RAP1GAP2: variants seen among roughly 807,000 people sequenced by gnomAD.
The protein encoded by RAP1GAP2 is rap1 GTPase-activating protein 2.
Under a neutral mutation model 95.0 loss-of-function variants are expected in RAP1GAP2, and 27 were observed. The observed-to-expected ratio is 0.28, with a 90% CI of 0.21 to 0.39. RAP1GAP2 has a LOEUF of 0.39. RAP1GAP2 is among the 10% of genes least tolerant of loss of function. RAP1GAP2 has a pLI of 1.00. For missense variants in RAP1GAP2, 771 were observed against 970.0 expected (o/e 0.79, Z 2.72); for synonymous variants, 373 against 380.9 (o/e 0.98, Z 0.24).
At chr17:2,945,775 CTT>C (rs57022816) in intron 3 of RAP1GAP2, among the ~76,000 whole-genome samples, 7 of 150,336 alleles carry the variant, frequency 4.7e-5, no homozygotes, top group Non-Finnish European at 1.0e-4. Context: ...CATTGATTTT[CTT>C]TTTTTTTCTT....
At position 2,926,549 on chromosome 17, in the gene RAP1GAP2, C is replaced by T. The variant is rs74686300; in HGVS notation, c.165+21181C>T. Among the ~76,000 whole-genome samples the T allele has an allele frequency of 6.5e-3, 996 of 152,264 alleles. 11 individuals are homozygous for T. The highest frequency in any genetic ancestry group is 0.023 in the African/African-American group (947 of 41,558). The stretch of plus-strand genomic sequence containing the variant: ...CAGAGTGTCACAGTTCCTCCCTCCC[C>T]CAAAGCCAGCTTGTACTTGAACCTG... On this transcript the variant is annotated intron_variant, in intron 3 of 24. Transcript: ENST00000254695.
chr17:3,027,131 T>C lies in RAP1GAP2; in HGVS notation c.2107+61T>C. On this transcript the variant is annotated intron_variant, in intron 22 of 24. Transcript: ENST00000254695. The surrounding 1 kb of genome is among the most constrained non-coding windows in gnomAD (Gnocchi z 5.2). ...GGAGGGCAGGCTGTGCCCTGTCCACTGTTAGCAGGGCCCCAGCCACGCTGA... is the reference window on the plus strand; with the variant it reads ...GGAGGGCAGGCTGTGCCCTGTCCACCGTTAGCAGGGCCCCAGCCACGCTGA... 1 of 1,503,502 alleles carries C rather than the reference T, an allele frequency of 6.7e-7. No homozygotes were observed. Among genetic ancestry groups the C allele is most frequent in the Admixed American group, 2.1e-5 (1 of 47,920 alleles). The allele number at this position is 1,503,502 out of a possible 1,614,324, so 93.1% of individuals were successfully genotyped here.
chr17:2,944,824 T>C (rs2043645736), intron 3 of RAP1GAP2, among the ~76,000 whole-genome samples: 1 of 152,220 alleles, frequency 6.6e-6, no homozygotes, highest in Non-Finnish European at 1.5e-5. Flanking sequence ...TTTGTAGTGC[T>C]TAGTGTGCCA....
At chr17:2,809,088 C>T (rs1192124221) in intron 2 of RAP1GAP2, among the ~76,000 whole-genome samples, 1 of 152,192 alleles carries the variant, frequency 6.6e-6, no homozygotes, top group Non-Finnish European at 1.5e-5. Flanking sequence ...GCAAGGTCTG[C>T]AGACTCCAAG....
intron 14 of RAP1GAP2, among the ~76,000 whole-genome samples, chr17:3,001,492 A>G (rs58957763): frequency 2.0e-4 from 15 of 76,576 alleles, no homozygotes; most frequent in African/African-American, 4.7e-4. Context: ...GGAGGTAACA[A>G]GATCAGCCTC....
At chr17:2,767,138 T>C (rs984959948) in intron 1 of RAP1GAP2, among the ~76,000 whole-genome samples, 4 of 150,960 alleles carry the variant, frequency 2.6e-5, no homozygotes, top group Non-Finnish European at 5.9e-5. Context: ...CCGAGGTGGG[T>C]GGATCACGAG....
At chr17:2,931,280 T>TTGTGTGTGTGTGTG (rs34690298) in intron 3 of RAP1GAP2, among the ~76,000 whole-genome samples, 277 of 146,748 alleles carry the variant, frequency 1.9e-3, no homozygotes, top group African/African-American at 6.0e-3. Context: ...TGAGTGTTTC[T>TTGTGTGTGTGTGTG]TGTGTGTGTG....
rs12936437 is a variant in RAP1GAP2 at position 3,036,488 on chromosome 17, T to C, written c.*3127T>C. 0.22 allele frequency: 33,143 copies of C among 152,254 alleles called. 3,755 individuals are homozygous for C. Among genetic ancestry groups the C allele is most frequent in the Middle Eastern group, 0.37 (108 of 294 alleles). The allele number at this position is 152,254 out of a possible 1,614,324, so 9.4% of individuals were successfully genotyped here. A position where few individuals can be genotyped will look rare whatever the true frequency, so the allele number is the denominator to read the frequency against. ...GAGCAGTCAAGGATGCTGGTGAGGC[T>C]GCAGTTTCTGCTCTTTTTCATCAGG... On this transcript the variant is annotated 3_prime_UTR_variant, in exon 25 of 25. Coordinates refer to ENST00000254695, the MANE Select transcript of RAP1GAP2 (RefSeq NM_015085.5).
chr17:2,980,433 G>T, intron 9 of RAP1GAP2, 68 bp downstream of exon 9: 1 of 1,494,232 alleles, frequency 6.7e-7, no homozygotes, highest in East Asian at 2.3e-5. Context: ...TGGAATGGGG[G>T]TGCAGGTATA....
In RAP1GAP2 at chr17:2,822,636, T is replaced by TTG. The variant is rs1555547752; in HGVS notation, c.80+22087_80+22088insGT. On this transcript the variant is annotated intron_variant, in intron 2 of 24. Coordinates refer to ENST00000254695, the MANE Select transcript of RAP1GAP2 (RefSeq NM_015085.5). The stretch of plus-strand genomic sequence containing the variant: ...AACCCTGTTTTTTTTTGTTTTTTTT[T>TTG]TTTTTTTTTTTTTTAAGAAAAGGTG... Among the ~76,000 whole-genome samples the TTG allele has an allele frequency of 8.3e-5, 10 of 120,628 alleles. No individual in the cohort carries two copies. The South Asian group carries it at 1.2e-3, about 15-fold the overall frequency. 79.1% of individuals were successfully genotyped at this position (120,628 alleles called of 152,430 possible).
In RAP1GAP2 at chr17:3,026,356, C is replaced by T; in HGVS notation, c.1872C>T (p.Phe624=). The change falls in exon 21 of 25, where the codon TTC becomes TTT. Residue 624 remains phenylalanine (F), a synonymous_variant. Coordinates refer to ENST00000254695, the MANE Select transcript of RAP1GAP2 (RefSeq NM_015085.5). ...PEICPNKEKP[F]MKLKENGRAI... is the part of the protein sequence containing the mutation. ...CACTTCCTATTCCCTGCAGGCCCTT[C>T]ATGAAGTTGAAGGAAAACGGCCGTG... is the stretch of plus-strand genomic sequence containing the variant. The T allele has an allele frequency of 6.4e-7, 1 of 1,550,806 alleles. No homozygotes were observed. Among genetic ancestry groups the T allele is most frequent in the South Asian group, 1.2e-5 (1 of 84,018 alleles).
At chr17:2,899,101 C>T (rs946311826) in intron 2 of RAP1GAP2, among the ~76,000 whole-genome samples, 5 of 152,216 alleles carry the variant, frequency 3.3e-5, no homozygotes, top group South Asian at 2.1e-4. Flanking sequence ...CACTCGGCAC[C>T]GTGCTTCCTA....
intron 2 of RAP1GAP2, among the ~76,000 whole-genome samples, chr17:2,905,042 C>A (rs1422640416): frequency 6.6e-6 from 1 of 152,134 alleles, no homozygotes; most frequent in Non-Finnish European, 1.5e-5. Flanking sequence ...CCACCACGCC[C>A]AGCTAATTTT....
At position 3,008,738 on chromosome 17, in the gene RAP1GAP2, C is replaced by T. The variant is rs146674971; in HGVS notation, c.1494+593C>T. On this transcript the variant is annotated intron_variant, in intron 17 of 24. Coordinates refer to ENST00000254695, the MANE Select transcript of RAP1GAP2 (RefSeq NM_015085.5). This position sits in a 1 kb window ranked among gnomAD's most constrained non-coding sequence, Gnocchi z 4.2. Reference sequence around the variant, plus strand: ...TGGAAGTATTCAAGTGGAGCTCGGACGGCCCCCGAGCTGGCGTGTGGTAGA... The same window carrying T: ...TGGAAGTATTCAAGTGGAGCTCGGATGGCCCCCGAGCTGGCGTGTGGTAGA... Among the ~76,000 whole-genome samples the T allele has an allele frequency of 1.1e-3, 162 of 152,326 alleles. 1 individual carries two copies. Among genetic ancestry groups the T allele is most frequent in the Non-Finnish European group, 1.9e-3 (130 of 68,034 alleles).
chr17:3,017,710 C>T (rs1304447244), intron 17 of RAP1GAP2, among the ~76,000 whole-genome samples: 3 of 152,138 alleles, frequency 2.0e-5, no homozygotes, highest in African/African-American at 7.2e-5. Context: ...CAGTGTCGCA[C>T]AGGCTTGGCG....
At chr17:2,864,006 C>G (rs980003077) in intron 2 of RAP1GAP2, among the ~76,000 whole-genome samples, 1 of 151,864 alleles carries the variant, frequency 6.6e-6, no homozygotes, top group African/African-American at 2.4e-5. Context: ...GAGCCGAGAT[C>G]GCGCCACTGC....
rs1194053596 is a variant in RAP1GAP2, at chr17:2,857,037, G to C, written c.81-48247G>C. 1.3e-5 allele frequency among the ~76,000 whole-genome samples: 2 copies of C among 152,222 alleles called. No homozygotes were observed. The highest frequency in any genetic ancestry group is 3.9e-4 in the East Asian group (2 of 5,190). ...CACGGGAGGCCTGGAGCAGGCTGCA[G>C]CTGCCAGCCTCTCTTAAGCATCCCC... On this transcript the variant is annotated intron_variant, in intron 2 of 24. Transcript: ENST00000254695. The surrounding 1 kb of genome is among the most constrained non-coding windows in gnomAD (Gnocchi z 4.0).
chr17:2,908,693 G>A (rs887706104), intron 3 of RAP1GAP2, among the ~76,000 whole-genome samples: 2 of 151,998 alleles, frequency 1.3e-5, no homozygotes, highest in Admixed American at 6.6e-5. Flanking sequence ...GGGAGGATTA[G>A]GATTCAATTC....
chr17:2,847,169 T>C (rs2071624479), intron 2 of RAP1GAP2, among the ~76,000 whole-genome samples: 1 of 152,118 alleles, frequency 6.6e-6, no homozygotes, highest in Non-Finnish European at 1.5e-5. Context: ...CCACGTTGCC[T>C]GGCTAATTTT....
Sources: allele counts gnomAD v4.1 joint callset (sites outside exome capture counted in the v4.1 genomes callset), GRCh38; gene constraint gnomAD v4.1.1; non-coding constraint Gnocchi (gnomAD v3.1); transcripts MANE v1.5; gene names NCBI Gene and HGNC (gene_info 2026-07-23, HGNC 2026-07-21).